ADGB: variants seen among roughly 807,000 people sequenced by gnomAD.
ADGB encodes androglobin.
A neutral mutation model predicts 210.5 loss-of-function variants in ADGB; 172 were observed. The observed-to-expected ratio is 0.82, with a 90% CI of 0.72 to 0.93. ADGB has a LOEUF of 0.93. Ranked by LOEUF, ADGB falls within the 40% of genes least tolerant of loss-of-function variation. The pLI, the probability that ADGB is intolerant of heterozygous loss-of-function variation, is 0.00. For synonymous variants in ADGB, 658 were observed against 662.7 expected (o/e 0.99, Z 0.11); for missense variants, 2,025 against 1,964.8 (o/e 1.03, Z -0.58).
rs374275412 is a variant in ADGB at position 146,734,098 on chromosome 6, G to C, written c.2794+68G>C. 29 of 1,477,178 alleles carry C rather than the reference G, an allele frequency of 2.0e-5. No homozygotes were observed. The East Asian group carries it at 4.2e-4, about 22-fold the overall frequency. 91.5% of individuals were successfully genotyped at this position (1,477,178 alleles called of 1,614,324 possible). A position where few individuals can be genotyped will look rare whatever the true frequency, so the allele number is the denominator to read the frequency against. ...AGAATAAATATTTATGTGTGTTAAT[G>C]AAAGTATTTTGGAGTCCCCCACTTT... On this transcript the variant is annotated intron_variant, in intron 22 of 35. Transcript: ENST00000397944.
At chr6:146,743,043 A>G (rs1341394047) in intron 25 of ADGB, among the ~76,000 whole-genome samples, 4 of 152,200 alleles carry the variant, frequency 2.6e-5, no homozygotes, top group Non-Finnish European at 5.9e-5. Flanking sequence ...AAACCAAACT[A>G]CAGAGCTAGT....
chr6:146,654,158 A>C lies in ADGB; in HGVS notation c.354A>C (p.Glu118Asp), dbSNP rs1426066290. ...FSQTPVVVKNEITFDLFSANE... is the reference protein window; with the variant it reads ...FSQTPVVVKNDITFDLFSANE... ...AGACTCCAGTAGTTGTGAAAAATGA[A>C]ATCACGTTTGACTTATTTTCAGCAA... is the stretch of plus-strand genomic sequence containing the variant. The change falls in exon 4 of 36, where the codon GAA (glutamate) becomes GAC (aspartate). Residue 118 changes from glutamate (E) to aspartate (D), a missense_variant. Coordinates refer to ENST00000397944, the MANE Select transcript of ADGB (RefSeq NM_024694.4). The C allele has an allele frequency of 2.6e-6, 4 of 1,542,916 alleles. No homozygotes were observed. Among genetic ancestry groups the C allele is most frequent in the Non-Finnish European group, 3.5e-6 (4 of 1,140,814 alleles).
In ADGB at chr6:146,805,053, C is replaced by A. The variant is rs534299745; in HGVS notation, c.4818+3042C>A. Among the ~76,000 whole-genome samples the A allele has an allele frequency of 9.8e-5, 15 of 152,324 alleles. No individual in the cohort carries two copies. The South Asian group carries it at 3.1e-3, about 32-fold the overall frequency. ...GGCTAAAAACAGTAAAACGGTATTT[C>A]TCATTCTAGCTATGTGTCCAGTGCG... On this transcript the variant is annotated intron_variant, in intron 35 of 35. Coordinates refer to ENST00000397944, the MANE Select transcript of ADGB (RefSeq NM_024694.4).
chr6:146,751,221 A>T (rs770439673), intron 26 of ADGB, among the ~76,000 whole-genome samples: 11 of 149,906 alleles, frequency 7.3e-5, no homozygotes, highest in Non-Finnish European at 1.5e-4. Context: ...ATAAGTGAGA[A>T]TATGCAGTGT....
chr6:146,781,470 AT>A (rs1372433298), intron 29 of ADGB, among the ~76,000 whole-genome samples: 4 of 147,886 alleles, frequency 2.7e-5, no homozygotes, highest in Admixed American at 1.3e-4. Flanking sequence ...TTAGAAATGA[AT>A]TAAAAAAAAA....
intron 23 of ADGB, 84 bp from the exon 24 acceptor site, chr6:146,740,375 T>C (rs1777147245): frequency 3.2e-6 from 4 of 1,235,082 alleles, no homozygotes; most frequent in South Asian, 3.2e-5. Context: ...TCTTATACTA[T>C]TTTTTGTCAT....
At chr6:146,809,245 G>A (rs1453663735) in intron 35 of ADGB, among the ~76,000 whole-genome samples, 6 of 152,280 alleles carry the variant, frequency 3.9e-5, no homozygotes, top group Admixed American at 2.6e-4. Flanking sequence ...AACACTTGTT[G>A]CCTAGGCTAG....
Position 146,721,434 on chromosome 6 carries a change from T to C in ADGB, c.2024T>C (p.Phe675Ser), listed in dbSNP as rs778458268. ...FSEERVSYYL[F>S]VDSLKPIELL... ...GAAGAACGAGTGTCCTACTATCTAT[T>C]TGTAGATAGTCTAAAACCTATTGAA... Residue 675 changes from phenylalanine (F) to serine (S), a missense_variant, in exon 17 of 36, where the codon TTT becomes TCT. Transcript: ENST00000397944. The C allele has an allele frequency of 1.7e-5, 27 of 1,550,002 alleles. No homozygotes were observed. The South Asian group carries it at 3.0e-4, about 17-fold the overall frequency.
intron 9 of ADGB, among the ~76,000 whole-genome samples, chr6:146,679,107 A>G (rs1776124168): frequency 6.6e-6 from 1 of 152,178 alleles, no homozygotes; most frequent in African/African-American, 2.4e-5. Context: ...CATTCTATTG[A>G]AGACAATTCA....
intron 31 of ADGB, 144 bp from the exon 32 acceptor site, chr6:146,785,466 A>G: frequency 2.0e-6 from 1 of 495,676 alleles, no homozygotes; most frequent in Admixed American, 3.2e-5. Flanking sequence ...ATAATGAAGA[A>G]GAGCTGGTCT....
At chr6:146,814,647 A>G (rs1778355235) in intron 35 of ADGB, among the ~76,000 whole-genome samples, 1 of 152,194 alleles carries the variant, frequency 6.6e-6, no homozygotes, top group African/African-American at 2.4e-5. Flanking sequence ...GCTCAGATAT[A>G]TTTTGTCAAG....
Position 146,788,393 on chromosome 6 carries a change from A to C in ADGB, c.4320A>C (p.Glu1440Asp). ...AATGCACATGTCATGTTGTAGTAGA[A>C]ACAGCTGCACGTGGCGTAAAAGAAC... is the stretch of plus-strand genomic sequence containing the variant. Reference protein sequence around the residue: ...ESQTKPKEEVETAARGVKEPN... With the variant: ...ESQTKPKEEVDTAARGVKEPN... The change falls in exon 33 of 36, where the codon GAA becomes GAC. Residue 1440 changes from glutamate to aspartate, a missense_variant. By Grantham distance (45) the Glu-to-Asp change is conservative (BLOSUM62 2). Transcript: ENST00000397944. The C allele has an allele frequency of 1.3e-6, 2 of 1,551,520 alleles. No homozygotes were observed. Among genetic ancestry groups the C allele is most frequent in the Non-Finnish European group, 1.7e-6 (2 of 1,146,838 alleles).
intron 10 of ADGB, among the ~76,000 whole-genome samples, chr6:146,686,444 A>G (rs1776235218): frequency 6.6e-6 from 1 of 151,994 alleles, no homozygotes; most frequent in South Asian, 2.1e-4. Flanking sequence ...TTTCTTCTAT[A>G]TTCTGTGTTT....
At chr6:146,740,342 C>A in intron 23 of ADGB, 117 bp from the exon 24 acceptor site, 3 of 934,202 alleles carry the variant, frequency 3.2e-6, no homozygotes, top group Non-Finnish European at 4.6e-6. Flanking sequence ...AGATCTCAAT[C>A]TAGCCAACAA....
intron 3 of ADGB, among the ~76,000 whole-genome samples, chr6:146,651,634 T>G (rs940751805): frequency 6.6e-6 from 1 of 152,172 alleles, no homozygotes; most frequent in African/African-American, 2.4e-5. Context: ...ATCATTGATA[T>G]CATCTTGACT....
At chr6:146,626,419 C>T (rs1780973089) in intron 1 of ADGB, among the ~76,000 whole-genome samples, 2 of 151,600 alleles carry the variant, frequency 1.3e-5, no homozygotes, top group South Asian at 2.1e-4. Context: ...CTGCTTGAGG[C>T]CTCCTTTTAT....
intron 5 of ADGB, among the ~76,000 whole-genome samples, chr6:146,661,258 T>C (rs1775853261): frequency 6.8e-6 from 1 of 146,498 alleles, no homozygotes; most frequent in Non-Finnish European, 1.5e-5. Context: ...TCTGACTCTG[T>C]CGCTCAGGCT....
chr6:146,750,071 G>A (rs2114609599), intron 26 of ADGB, among the ~76,000 whole-genome samples: 1 of 152,278 alleles, frequency 6.6e-6, no homozygotes, highest in Middle Eastern at 3.4e-3. Flanking sequence ...AAGATAAGGA[G>A]AGTTGTCTGC....
chr6:146,734,308 A>G (rs1777047653), intron 22 of ADGB, among the ~76,000 whole-genome samples: 1 of 152,180 alleles, frequency 6.6e-6, no homozygotes, highest in Non-Finnish European at 1.5e-5. Flanking sequence ...TTCCCAATCT[A>G]TTGCAAGTTC....
Sources: gnomAD v4.1 joint callset for allele counts (sites outside exome capture counted in the v4.1 genomes callset) on GRCh38, gnomAD v4.1.1 for gene constraint, MANE v1.5 for transcripts, NCBI Gene and HGNC (gene_info 2026-07-23, HGNC 2026-07-21) for gene names.